The following C6 variants were observed in gnomAD, a reference collection of about 807,000 sequenced individuals.
C6 encodes complement C6, also known as complement component C6.
A neutral mutation model predicts 112.9 loss-of-function variants in C6; 101 were observed. The ratio of observed to expected loss-of-function variants is 0.89; its 90% CI spans 0.76 to 1.06. The LOEUF is 1.06. Among genes scored for constraint, C6 ranks in the 50% least tolerant of loss-of-function variants. C6 has a pLI of 0.00. For missense variants in C6, 1,202 were observed against 1,104.6 expected, an observed-to-expected ratio of 1.09 and a Z score of -1.25; for synonymous variants, 431 against 384.1, an observed-to-expected ratio of 1.12 and a Z score of -1.43.
At chr5:41,239,895 G>A (rs868321235) in intron 1 of C6, among the ~76,000 whole-genome samples, 1 of 151,984 alleles carries the variant, frequency 6.6e-6, no homozygotes, top group Non-Finnish European at 1.5e-5. Context: ...TCCTTGTCTG[G>A]CAATTTTCCT....
intron 1 of C6, among the ~76,000 whole-genome samples, chr5:41,210,005 G>T (rs550923595): frequency 2.6e-5 from 4 of 152,134 alleles, no homozygotes; most frequent in Non-Finnish European, 5.9e-5. Context: ...CATGGTACTG[G>T]TACCAAAACA....
chr5:41,188,847 G>A (rs758383239), intron 5 of C6, among the ~76,000 whole-genome samples: 20 of 151,866 alleles, frequency 1.3e-4, no homozygotes, highest in South Asian at 6.2e-4. Context: ...TCATATAATG[G>A]GAGAAAATAT....
At chr5:41,224,997 C>A (rs1466796909) in intron 1 of C6, among the ~76,000 whole-genome samples, 1 of 152,064 alleles carries the variant, frequency 6.6e-6, no homozygotes, top group Non-Finnish European at 1.5e-5. Flanking sequence ...TCATGTTGAG[C>A]ATTTTGTTTC....
chr5:41,234,358 TTTTTTG>T (rs1357883820), intron 1 of C6, among the ~76,000 whole-genome samples: 2 of 138,922 alleles, frequency 1.4e-5, no homozygotes, highest in African/African-American at 3.2e-5. Flanking sequence ...TTGTTTTTTG[TTTTTTG>T]TTTTTTTTTT....
chr5:41,160,526 A>G (rs1054314885), intron 10 of C6, among the ~76,000 whole-genome samples, 159 bp from the exon 11 acceptor site: 1 of 152,188 alleles, frequency 6.6e-6, no homozygotes, highest in Non-Finnish European at 1.5e-5. Context: ...ACCAGTAGGC[A>G]AAAGCCTTCT....
intron 1 of C6, among the ~76,000 whole-genome samples, chr5:41,246,210 A>T (rs1313696376): frequency 6.6e-6 from 1 of 152,136 alleles, no homozygotes; most frequent in Non-Finnish European, 1.5e-5. Context: ...TCTTGGTGCT[A>T]CGTTTCTCTT....
chr5:41,144,109 A>C (rs6451565), intron 17 of C6, among the ~76,000 whole-genome samples: 68 of 152,244 alleles, frequency 4.5e-4, no homozygotes, highest in African/African-American at 1.4e-3. Context: ...CAAGACCCCA[A>C]AAGTGCTCCA....
At chr5:41,246,206 T>C (rs1032253054) in intron 1 of C6, among the ~76,000 whole-genome samples, 1 of 152,188 alleles carries the variant, frequency 6.6e-6, no homozygotes, top group African/African-American at 2.4e-5. Context: ...AGTATCTTGG[T>C]GCTACGTTTC....
At chr5:41,173,086 A>C (rs1466062816) in intron 8 of C6, among the ~76,000 whole-genome samples, 1 of 152,152 alleles carries the variant, frequency 6.6e-6, no homozygotes, top group Non-Finnish European at 1.5e-5. Flanking sequence ...TGTCATCTCC[A>C]GCAGAAGTTC....
At chr5:41,173,388 A>G (rs1748589932) in intron 8 of C6, among the ~76,000 whole-genome samples, 1 of 152,174 alleles carries the variant, frequency 6.6e-6, no homozygotes, top group African/African-American at 2.4e-5. Flanking sequence ...GTGCAGGGAA[A>G]CAGATGTAGT....
intron 1 of C6, among the ~76,000 whole-genome samples, chr5:41,206,634 A>G (rs1751456669): frequency 6.6e-6 from 1 of 152,220 alleles, no homozygotes; most frequent in Non-Finnish European, 1.5e-5. Flanking sequence ...CAGTGATTGA[A>G]GATCAAATGA....
intron 5 of C6, 22 bp downstream of exon 5, chr5:41,195,770 A>G (rs754790131): frequency 6.2e-7 from 1 of 1,611,860 alleles, no homozygotes. Flanking sequence ...TCTCCCCAAG[A>G]TGATAAAAAG....
intron 1 of C6, among the ~76,000 whole-genome samples, chr5:41,227,299 G>GT (rs150172381): frequency 0.076 from 11,459 of 149,900 alleles, 450 homozygotes; most frequent in Middle Eastern, 0.11. Context: ...TTTTTTAATT[G>GT]TTTTTTTTTC....
At chr5:41,219,577 C>T (rs1329104446) in intron 1 of C6, among the ~76,000 whole-genome samples, 4 of 152,022 alleles carry the variant, frequency 2.6e-5, no homozygotes, top group African/African-American at 9.7e-5. Flanking sequence ...CTAATGATAG[C>T]AGTGATATAA....
chr5:41,180,662 C>T (rs1306981060), intron 7 of C6, among the ~76,000 whole-genome samples: 3 of 151,930 alleles, frequency 2.0e-5, no homozygotes, highest in African/African-American at 7.2e-5. Flanking sequence ...TATGATTGTT[C>T]TTATACAGCA....
Position 41,186,105 on chromosome 5 carries a change from G to A in C6, c.691C>T (p.Arg231Cys), listed in dbSNP as rs768504101. 1.1e-5 allele frequency: 17 copies of A among 1,613,806 alleles called. No homozygotes were observed. Among genetic ancestry groups the A allele is most frequent in the Middle Eastern group, 1.6e-4 (1 of 6,082 alleles). Residue 231 changes from arginine to cysteine, a missense_variant, in exon 6 of 18, where the codon CGT (arginine) becomes TGT (cysteine). Arg to Cys is a radical substitution (Grantham distance 180). Transcript: ENST00000337836. Reference sequence around the variant, plus strand: ...ACATTTTCCAGATTGGCCGGAACACGGTATGGATTACTTGTCCTACTGCTT... The same window carrying A: ...ACATTTTCCAGATTGGCCGGAACACAGTATGGATTACTTGTCCTACTGCTT... ...VKSSRTSNPY[R>C]VPANLENVGF...
intron 1 of C6, among the ~76,000 whole-genome samples, chr5:41,245,167 T>C (rs1236427723): frequency 6.6e-6 from 1 of 152,218 alleles, no homozygotes; most frequent in East Asian, 1.9e-4. Context: ...ATAAAATAAG[T>C]TGTGAAGTTT....
chr5:41,161,132 C>T (rs971095151), intron 10 of C6, among the ~76,000 whole-genome samples: 10 of 151,978 alleles, frequency 6.6e-5, no homozygotes, highest in Non-Finnish European at 1.2e-4. Flanking sequence ...TCTTTGGAGG[C>T]CTTTTAAAAA....
chr5:41,246,260 G>C lies in C6; in HGVS notation c.-21+14934C>G, dbSNP rs547555990. 2.1e-4 allele frequency among the ~76,000 whole-genome samples: 32 copies of C among 152,186 alleles called. No individual in the cohort carries two copies. In the Middle Eastern group the frequency reaches 0.01, roughly 49 times the overall value. On this transcript the variant is annotated intron_variant, in intron 1 of 17. Coordinates refer to the C6 transcript ENST00000263413. ...TTGGCTTCTTTGCTGTTAGATCTCT[G>C]TTTCTAGGCCATTGCTTGTAAATCA...
Sources: gnomAD v4.1 joint callset for allele counts (sites outside exome capture counted in the v4.1 genomes callset) on GRCh38, gnomAD v4.1.1 for gene constraint, MANE v1.5 for transcripts, NCBI Gene and HGNC (gene_info 2026-07-23, HGNC 2026-07-21) for gene names.